ELOVL7: variants seen among roughly 807,000 people sequenced by gnomAD.
ELOVL7 encodes the protein very long chain fatty acid elongase 7.
In ELOVL7, 27 loss-of-function variants were observed where a neutral mutation model predicts 35.7. The observed-to-expected ratio is 0.76, with a 90% CI of 0.56 to 1.04. The LOEUF is 1.04. Among genes scored for constraint, ELOVL7 ranks in the 50% least tolerant of loss-of-function variants. The pLI, the probability that ELOVL7 is intolerant of heterozygous loss-of-function variation, is 0.00. For missense variants in ELOVL7, 327 were observed against 340.8 expected (o/e 0.96, Z 0.32); for synonymous variants, 113 against 114.6 (o/e 0.99, Z 0.09).
intron 1 of ELOVL7, among the ~76,000 whole-genome samples, chr5:60,808,130 AC>A (rs1745050350): frequency 6.6e-6 from 1 of 151,980 alleles, no homozygotes; most frequent in African/African-American, 2.4e-5. Flanking sequence ...AGTATTCACA[AC>A]CAAACAGTGA....
chr5:60,823,394 A>G (rs1419446518), intron 1 of ELOVL7, among the ~76,000 whole-genome samples: 1 of 152,150 alleles, frequency 6.6e-6, no homozygotes. Context: ...TAATTGCCTA[A>G]TTGACCTGCC....
chr5:60,784,952 T>G lies in ELOVL7; in HGVS notation c.64+2382A>C, dbSNP rs561574453. Among the ~76,000 whole-genome samples the G allele has an allele frequency of 2.2e-4, 34 of 152,350 alleles. No individual in the cohort carries two copies. In the South Asian group the frequency reaches 7.0e-3, roughly 32 times the overall value. On this transcript the variant is annotated intron_variant, in intron 3 of 8. Transcript: ENST00000508821. Reference sequence around the variant, plus strand: ...TAACAACCAGCACCACTCTTTTATGTTGGGATACTTCCGAAACAGCAGAGC... The same window carrying G: ...TAACAACCAGCACCACTCTTTTATGGTGGGATACTTCCGAAACAGCAGAGC...
chr5:60,814,010 C>A (rs1331595422), intron 1 of ELOVL7, among the ~76,000 whole-genome samples: 1 of 152,182 alleles, frequency 6.6e-6, no homozygotes, highest in African/African-American at 2.4e-5. Flanking sequence ...AGTTCCTCTG[C>A]TTTCATACAT....
At chr5:60,804,021 G>A (rs1290044456) in intron 1 of ELOVL7, among the ~76,000 whole-genome samples, 2 of 152,078 alleles carry the variant, frequency 1.3e-5, no homozygotes, top group Non-Finnish European at 2.9e-5. Flanking sequence ...TTTCTGTTTG[G>A]CACAAGCTCT....
chr5:60,814,713 G>A (rs1745422756), intron 1 of ELOVL7, among the ~76,000 whole-genome samples: 1 of 152,186 alleles, frequency 6.6e-6, no homozygotes. Flanking sequence ...AAGCTGTAGA[G>A]GAAGTGTTCA....
At chr5:60,801,562 G>A (rs1161873029) in intron 1 of ELOVL7, among the ~76,000 whole-genome samples, 2 of 152,066 alleles carry the variant, frequency 1.3e-5, no homozygotes, top group East Asian at 3.9e-4. Flanking sequence ...AATTAGCCAG[G>A]CATGGTGGCG....
In ELOVL7 at chr5:60,752,521, C is replaced by T. The variant is rs1741328745; in HGVS notation, c.*2103G>A. The T allele has an allele frequency of 6.6e-6, 1 of 152,588 alleles. No homozygotes were observed. Among genetic ancestry groups the T allele is most frequent in the Non-Finnish European group, 1.5e-5 (1 of 68,026 alleles). The allele number at this position is 152,588 out of a possible 1,614,324, so 9.5% of individuals were successfully genotyped here. ...TCTAACAGCACCTAGCATACCTTCT[C>T]ATTTTAGCACAGGTTAGATATGAAG... On this transcript the variant is annotated 3_prime_UTR_variant, in exon 9 of 9. Coordinates refer to ENST00000508821, the MANE Select transcript of ELOVL7 (RefSeq NM_024930.3).
At chr5:60,822,615 G>A (rs972994735) in intron 1 of ELOVL7, among the ~76,000 whole-genome samples, 1 of 152,202 alleles carries the variant, frequency 6.6e-6, no homozygotes, top group Non-Finnish European at 1.5e-5. Flanking sequence ...TCAAGGCTAA[G>A]GATACAGCTT....
intron 1 of ELOVL7, among the ~76,000 whole-genome samples, chr5:60,799,681 C>T (rs566795490): frequency 2.6e-5 from 4 of 152,126 alleles, no homozygotes; most frequent in African/African-American, 7.2e-5. Flanking sequence ...AATCAAAAAC[C>T]TCCCATAAAA....
At chr5:60,766,495 G>C in intron 6 of ELOVL7, 79 bp downstream of exon 6, 3 of 1,235,324 alleles carry the variant, frequency 2.4e-6, no homozygotes, top group South Asian at 2.9e-5. Flanking sequence ...GCAGTTTATT[G>C]GTTTCACTGA....
At chr5:60,826,590 C>G (rs1196046912) in intron 1 of ELOVL7, among the ~76,000 whole-genome samples, 2 of 152,204 alleles carry the variant, frequency 1.3e-5, no homozygotes, top group African/African-American at 4.8e-5. Flanking sequence ...TTTCCTGTCT[C>G]CTCCCTATCA....
intron 1 of ELOVL7, among the ~76,000 whole-genome samples, chr5:60,840,379 G>A (rs868510591): frequency 1.1e-4 from 17 of 152,278 alleles, no homozygotes; most frequent in Middle Eastern, 6.8e-3. Context: ...GAAGACAGAA[G>A]CAGAGATTAG....
chr5:60,839,971 G>A (rs1292549662), intron 1 of ELOVL7, among the ~76,000 whole-genome samples: 1 of 151,878 alleles, frequency 6.6e-6, no homozygotes, highest in Admixed American at 6.6e-5. Flanking sequence ...CTGCACTCCC[G>A]CCTGGGTGAC....
At chr5:60,779,032 C>T (rs1743078186) in intron 3 of ELOVL7, among the ~76,000 whole-genome samples, 1 of 152,238 alleles carries the variant, frequency 6.6e-6, no homozygotes, top group Non-Finnish European at 1.5e-5. Flanking sequence ...CAATGCTCCA[C>T]AATGATCACC....
chr5:60,799,004 G>A (rs1744431675), intron 2 of ELOVL7, among the ~76,000 whole-genome samples, 176 bp downstream of exon 2: 1 of 152,134 alleles, frequency 6.6e-6, no homozygotes, highest in South Asian at 2.1e-4. Context: ...ATCATATCAA[G>A]CATCTTTTCT....
intron 3 of ELOVL7, chr5:60,784,239 T>TAAGAA: frequency 1.1e-6 from 1 of 875,318 alleles, no homozygotes; most frequent in East Asian, 2.7e-5. Context: ...ACATGTACCT[T>TAAGAA]AAGTACTTTT....
At position 60,752,055 on chromosome 5, in the gene ELOVL7, A is replaced by G. The variant is rs572334792; in HGVS notation, c.*2569T>C. ...ATGTAATAAACTAGATTTTGGAACT[A>G]TTTATTTTGTTGTTGTTGTTGCTTG... On this transcript the variant is annotated 3_prime_UTR_variant, in exon 9 of 9. Transcript: ENST00000508821. The G allele has an allele frequency of 9.9e-5, 15 of 152,198 alleles. No individual in the cohort carries two copies. The highest frequency in any genetic ancestry group is 3.4e-4 in the African/African-American group (14 of 41,442). 9.4% of individuals were successfully genotyped at this position (152,198 alleles called of 1,614,324 possible). A position where few individuals can be genotyped will look rare whatever the true frequency, so the allele number is the denominator to read the frequency against.
At chr5:60,759,608 C>CT (rs11371606) in intron 7 of ELOVL7, among the ~76,000 whole-genome samples, 64,808 of 145,572 alleles carry the variant, frequency 0.45, 16,816 homozygotes, top group African/African-American at 0.74. Context: ...TGCCTATTTT[C>CT]TTTTTTTTTT....
At chr5:60,825,897 T>C (rs1396327926) in intron 1 of ELOVL7, among the ~76,000 whole-genome samples, 4 of 152,248 alleles carry the variant, frequency 2.6e-5, no homozygotes, top group African/African-American at 9.6e-5. Flanking sequence ...TAGCCTTAAA[T>C]ACCCTGCCTT....
Sources: gnomAD v4.1 joint callset for allele counts (sites outside exome capture counted in the v4.1 genomes callset) on GRCh38, gnomAD v4.1.1 for gene constraint, MANE v1.5 for transcripts, NCBI Gene and HGNC (gene_info 2026-07-23, HGNC 2026-07-21) for gene names.